Variants in GBE1 observed in about 807,000 individuals in gnomAD.
GBE1 encodes 1,4-alpha-glucan branching enzyme 1, also known as 1,4-alpha-glucan-branching enzyme.
In GBE1, 70 loss-of-function variants were observed where a neutral mutation model predicts 88.8. The observed-to-expected ratio is 0.79, with a 90% CI of 0.65 to 0.96. GBE1 has a LOEUF of 0.96. GBE1 is among the 40% of genes least tolerant of loss of function. GBE1 has a pLI of 0.00. For missense variants in GBE1, 872 were observed against 871.0 expected, an observed-to-expected ratio of 1.00 and a Z score of -0.01; for synonymous variants, 284 against 300.1, an observed-to-expected ratio of 0.95 and a Z score of 0.56.
chr3:81,566,306 A>G (rs79668223), intron 12 of GBE1, among the ~76,000 whole-genome samples: 96 of 152,250 alleles, frequency 6.3e-4, no homozygotes, highest in Middle Eastern at 6.8e-3. Flanking sequence ...TTAAATCACA[A>G]TTTCTAGGTA....
At chr3:81,543,556 C>T (rs1310496366) in intron 12 of GBE1, among the ~76,000 whole-genome samples, 1 of 152,072 alleles carries the variant, frequency 6.6e-6, no homozygotes, top group Non-Finnish European at 1.5e-5. Flanking sequence ...GTATCTTCCA[C>T]TAGCTCAAAG....
chr3:81,629,448 A>C (rs377558773), intron 7 of GBE1, among the ~76,000 whole-genome samples: 2 of 152,052 alleles, frequency 1.3e-5, no homozygotes, highest in African/African-American at 4.8e-5. Context: ...TTCTTAAGAG[A>C]CATTTAGTAC....
At chr3:81,582,327 T>C (rs566963410) in intron 10 of GBE1, among the ~76,000 whole-genome samples, 3 of 152,234 alleles carry the variant, frequency 2.0e-5, no homozygotes, top group Non-Finnish European at 4.4e-5. Flanking sequence ...GATGCTATAC[T>C]GCTGCTTTGA....
chr3:81,628,411 T>C (rs1704449645), intron 7 of GBE1, among the ~76,000 whole-genome samples: 1 of 152,012 alleles, frequency 6.6e-6, no homozygotes, highest in African/African-American at 2.4e-5. Flanking sequence ...TCTTGTGGAC[T>C]CTAACAGTGA....
At chr3:81,609,256 C>T (rs536357621) in intron 7 of GBE1, among the ~76,000 whole-genome samples, 2 of 152,170 alleles carry the variant, frequency 1.3e-5, no homozygotes, top group South Asian at 4.1e-4. Flanking sequence ...GCCTACGTGG[C>T]CAATTTTGGG....
chr3:81,750,660 T>TATATATATATATAC (rs1559708920), intron 1 of GBE1, among the ~76,000 whole-genome samples: 5 of 40,484 alleles, frequency 1.2e-4, no homozygotes, highest in Non-Finnish European at 1.9e-4. Flanking sequence ...TATATATATG[T>TATATATATATATAC]ATATATATAT....
At chr3:81,527,562 G>A (rs1314552891) in intron 14 of GBE1, among the ~76,000 whole-genome samples, 1 of 152,106 alleles carries the variant, frequency 6.6e-6, no homozygotes, top group Non-Finnish European at 1.5e-5. Context: ...CGAAGGATAT[G>A]AACAGACACT....
At chr3:81,742,104 G>C (rs1313385611) in intron 1 of GBE1, among the ~76,000 whole-genome samples, 1 of 151,808 alleles carries the variant, frequency 6.6e-6, no homozygotes, top group Non-Finnish European at 1.5e-5. Flanking sequence ...TGTCATTATA[G>C]CCAATTTCAG....
intron 9 of GBE1, among the ~76,000 whole-genome samples, chr3:81,588,593 T>C (rs796131423): frequency 6.3e-5 from 9 of 142,316 alleles, no homozygotes; most frequent in African/African-American, 2.2e-4. Flanking sequence ...TGAATCCTTT[T>C]GAAAAGCTTG....
At chr3:81,694,232 G>A (rs1705561015) in intron 2 of GBE1, among the ~76,000 whole-genome samples, 2 of 151,604 alleles carry the variant, frequency 1.3e-5, no homozygotes, top group Non-Finnish European at 2.9e-5. Flanking sequence ...AAAGAGAGAA[G>A]GAAAAGGAGG....
At chr3:81,729,417 T>A (rs1706157245) in intron 1 of GBE1, among the ~76,000 whole-genome samples, 1 of 152,188 alleles carries the variant, frequency 6.6e-6, no homozygotes, top group African/African-American at 2.4e-5. Context: ...GCCCACTCAG[T>A]GACAGCCTCT....
rs180818026 is a variant in GBE1, at chr3:81,558,227, T to A, written c.1618+19698A>T. The stretch of plus-strand genomic sequence containing the variant: ...TCATTTCCTAGTTCTTTTATTATAA[T>A]TACCAAAATAATTAAAACAAATGAG... On this transcript the variant is annotated intron_variant, in intron 12 of 15. Coordinates refer to ENST00000429644, the MANE Select transcript of GBE1 (RefSeq NM_000158.4). 1.6e-4 allele frequency among the ~76,000 whole-genome samples: 24 copies of A among 152,142 alleles called. 1 individual carries two copies. In the East Asian group the frequency reaches 4.6e-3, roughly 29 times the overall value.
chr3:81,596,018 AACT>A (rs1412114989), intron 7 of GBE1, among the ~76,000 whole-genome samples: 3 of 151,952 alleles, frequency 2.0e-5, no homozygotes, highest in African/African-American at 7.2e-5. Flanking sequence ...GTCTTTTAAA[AACT>A]ACTACAAGAT....
intron 14 of GBE1, among the ~76,000 whole-genome samples, chr3:81,505,693 T>C (rs963532287): frequency 6.6e-6 from 1 of 152,098 alleles, no homozygotes; most frequent in Non-Finnish European, 1.5e-5. Flanking sequence ...TATTACTACA[T>C]AGATAATGTG....
intron 1 of GBE1, among the ~76,000 whole-genome samples, chr3:81,761,119 T>C (rs894973981): frequency 6.6e-6 from 1 of 152,210 alleles, no homozygotes; most frequent in African/African-American, 2.4e-5. Flanking sequence ...GCAAGACCGC[T>C]GATTAGAACA....
intron 12 of GBE1, among the ~76,000 whole-genome samples, chr3:81,567,569 AT>A (rs767298299): frequency 5.9e-5 from 9 of 152,210 alleles, no homozygotes; most frequent in Non-Finnish European, 8.8e-5. Context: ...CTCTAGCCTT[AT>A]TTGTCTCATA....
At chr3:81,676,686 A>T (rs1403923677) in intron 2 of GBE1, among the ~76,000 whole-genome samples, 1 of 152,020 alleles carries the variant, frequency 6.6e-6, no homozygotes, top group Non-Finnish European at 1.5e-5. Flanking sequence ...ACATGTGCAG[A>T]ACGTGCAGGT....
At chr3:81,751,882 T>C (rs1370118232) in intron 1 of GBE1, among the ~76,000 whole-genome samples, 2 of 152,222 alleles carry the variant, frequency 1.3e-5, no homozygotes, top group African/African-American at 4.8e-5. Context: ...CTAGGTGTTA[T>C]TAATGGAAAT....
In GBE1 at chr3:81,601,663, A is replaced by G. The variant is rs1704034161; in HGVS notation, c.993-7640T>C. ...ATTAAATAATAAACAAATTTTGAAT[A>G]TTTGTTTAAATATTACATATAAATT... On this transcript the variant is annotated intron_variant, in intron 7 of 15. Transcript: ENST00000429644. Among the ~76,000 whole-genome samples, 4 of 152,280 alleles carry G rather than the reference A, an allele frequency of 2.6e-5. No homozygotes were observed. The South Asian group carries it at 6.2e-4, about 24-fold the overall frequency.
Sources: allele counts gnomAD v4.1 joint callset (sites outside exome capture counted in the v4.1 genomes callset), GRCh38; gene constraint gnomAD v4.1.1; transcripts MANE v1.5; gene names NCBI Gene and HGNC (gene_info 2026-07-23, HGNC 2026-07-21).